BTBD9: variants seen among roughly 807,000 people sequenced by gnomAD.
BTBD9 encodes BTB/POZ domain-containing protein 9.
A neutral mutation model predicts 64.3 loss-of-function variants in BTBD9; 49 were observed. The observed-to-expected ratio is 0.76, with a 90% CI of 0.61 to 0.97. BTBD9 has a LOEUF of 0.97. BTBD9 is among the 50% of genes least tolerant of loss of function. The pLI, the probability that BTBD9 is intolerant of heterozygous loss-of-function variation, is 0.00. For synonymous variants in BTBD9, 260 were observed against 274.7 expected (o/e 0.95, Z 0.53); for missense variants, 598 against 762.1 (o/e 0.78, Z 2.53).
intron 6 of BTBD9, among the ~76,000 whole-genome samples, chr6:38,397,055 C>T (rs890418876): frequency 2.6e-5 from 4 of 151,848 alleles, no homozygotes; most frequent in African/African-American, 9.7e-5. Context: ...GTGTGCACCA[C>T]CCCACCTGGC....
In BTBD9 at chr6:38,553,319, T is replaced by C. The variant is rs560328570; in HGVS notation, c.1154+24281A>G. ...TGGGTCAATCTGAAAGTCAAATTAA[T>C]GCCAAGATTGTGGTGAGGGGAATAT... On this transcript the variant is annotated intron_variant, in intron 6 of 10. Coordinates refer to ENST00000481247, the MANE Select transcript of BTBD9 (RefSeq NM_001099272.2). Among the ~76,000 whole-genome samples, 3 of 152,272 alleles carry C rather than the reference T, an allele frequency of 2.0e-5. No homozygotes were observed. The South Asian group carries it at 6.2e-4, about 32-fold the overall frequency.
intron 6 of BTBD9, among the ~76,000 whole-genome samples, chr6:38,545,386 G>C (rs1774486828): frequency 6.6e-6 from 1 of 152,202 alleles, no homozygotes; most frequent in African/African-American, 2.4e-5. Context: ...AGGAGGCTTT[G>C]ACTTATGTTT....
Position 38,470,680 on chromosome 6 carries a change from C to T in BTBD9, c.1154+106920G>A, listed in dbSNP as rs117936435. Among the ~76,000 whole-genome samples the T allele has an allele frequency of 1.3e-3, 204 of 152,358 alleles. 2 individuals carry two copies. In the South Asian group the frequency reaches 0.018, roughly 14 times the overall value. On this transcript the variant is annotated intron_variant, in intron 6 of 10. Transcript: ENST00000481247. Reference sequence around the variant, plus strand: ...ACAAGAGAAGAACTGGCCTTCTCAACAAGAGAAGAGTGTGTACCTCTGCAG... The same window carrying T: ...ACAAGAGAAGAACTGGCCTTCTCAATAAGAGAAGAGTGTGTACCTCTGCAG...
chr6:38,568,947 C>T (rs1156967510), intron 6 of BTBD9, among the ~76,000 whole-genome samples: 1 of 152,138 alleles, frequency 6.6e-6, no homozygotes, highest in Non-Finnish European at 1.5e-5. Context: ...CAAGGTAACA[C>T]AGAAAGAGAA....
intron 6 of BTBD9, among the ~76,000 whole-genome samples, chr6:38,484,550 C>T (rs1276612891): frequency 1.3e-5 from 2 of 152,172 alleles, no homozygotes; most frequent in Non-Finnish European, 2.9e-5. Flanking sequence ...AGCCTGATCT[C>T]CTTTGACATT....
In BTBD9 at chr6:38,432,059, G is replaced by T. The variant is rs565546599; in HGVS notation, c.1155-86966C>A. Among the ~76,000 whole-genome samples, 87 of 152,020 alleles carry T rather than the reference G, an allele frequency of 5.7e-4. 1 individual carries two copies. Among genetic ancestry groups the T allele is most frequent in the African/African-American group, 2.0e-3 (84 of 41,296 alleles). ...CAGATGAATTCTGGTGGAAGTAAGT[G>T]AATTCTTCCTCTCACGGGACTGGAT... On this transcript the variant is annotated intron_variant, in intron 6 of 10. Coordinates refer to ENST00000481247, the MANE Select transcript of BTBD9 (RefSeq NM_001099272.2).
intron 6 of BTBD9, among the ~76,000 whole-genome samples, chr6:38,410,179 A>C (rs1349807238): frequency 6.6e-6 from 1 of 152,160 alleles, no homozygotes; most frequent in Non-Finnish European, 1.5e-5. Flanking sequence ...TTAGAAACAA[A>C]AATCTAGTTG....
chr6:38,323,175 T>C (rs1041049709), intron 7 of BTBD9, among the ~76,000 whole-genome samples: 4 of 152,326 alleles, frequency 2.6e-5, no homozygotes, highest in Admixed American at 1.3e-4. Context: ...GTATCTACTC[T>C]AAAATCTTTG....
intron 10 of BTBD9, among the ~76,000 whole-genome samples, chr6:38,191,781 G>A (rs115740904): frequency 0.014 from 2,154 of 152,318 alleles, 43 homozygotes; most frequent in African/African-American, 0.047. Flanking sequence ...GCGGGATTGC[G>A]TGTGGGCTGA....
At chr6:38,252,922 CA>C (rs1167762357) in intron 9 of BTBD9, among the ~76,000 whole-genome samples, 3 of 152,186 alleles carry the variant, frequency 2.0e-5, no homozygotes, top group African/African-American at 7.2e-5. Context: ...GCCTGGCCAA[CA>C]TGGTGAAACC....
chr6:38,205,102 C>T (rs1327644816), intron 9 of BTBD9, among the ~76,000 whole-genome samples: 1 of 152,000 alleles, frequency 6.6e-6, no homozygotes, highest in Non-Finnish European at 1.5e-5. Flanking sequence ...ATGAGGAATT[C>T]CACCATCTAA....
chr6:38,590,538 C>T (rs1776750079), intron 4 of BTBD9, among the ~76,000 whole-genome samples: 1 of 152,142 alleles, frequency 6.6e-6, no homozygotes, highest in Non-Finnish European at 1.5e-5. Context: ...TAAGATCAAT[C>T]AGTATTTCAA....
intron 9 of BTBD9, among the ~76,000 whole-genome samples, chr6:38,227,919 C>T (rs536838838): frequency 6.6e-5 from 10 of 152,082 alleles, no homozygotes; most frequent in East Asian, 3.9e-4. Context: ...TGAGAAACTA[C>T]GGAGGTAGTA....
intron 6 of BTBD9, among the ~76,000 whole-genome samples, chr6:38,483,000 T>TG (rs1002280513): frequency 3.9e-5 from 6 of 152,062 alleles, no homozygotes; most frequent in African/African-American, 1.4e-4. Flanking sequence ...CCCTCTCCCA[T>TG]AATGAGGTAC....
intron 6 of BTBD9, among the ~76,000 whole-genome samples, chr6:38,386,246 A>G (rs16890616): frequency 0.025 from 3,808 of 152,292 alleles, 115 homozygotes; most frequent in East Asian, 0.11. Flanking sequence ...TCTTCATGTC[A>G]GAATAAATTT....
At chr6:38,436,143 C>T (rs995674304) in intron 6 of BTBD9, among the ~76,000 whole-genome samples, 1 of 151,794 alleles carries the variant, frequency 6.6e-6, no homozygotes, top group Non-Finnish European at 1.5e-5. Context: ...ATAGAAAGTA[C>T]CATTTCAATA....
At chr6:38,463,592 TA>T (rs1422764180) in intron 6 of BTBD9, among the ~76,000 whole-genome samples, 1 of 152,262 alleles carries the variant, frequency 6.6e-6, no homozygotes, top group Non-Finnish European at 1.5e-5. Flanking sequence ...TGTTGGATTT[TA>T]CAAAATTCTG....
intron 6 of BTBD9, among the ~76,000 whole-genome samples, chr6:38,415,858 TA>T (rs36006444): frequency 1.3e-3 from 188 of 145,458 alleles, no homozygotes; most frequent in African/African-American, 1.2e-3. Flanking sequence ...CTGCAGTCCT[TA>T]AAAAAAAAAA....
At chr6:38,227,079 G>C (rs773151504) in intron 9 of BTBD9, among the ~76,000 whole-genome samples, 1 of 152,228 alleles carries the variant, frequency 6.6e-6, no homozygotes, top group Non-Finnish European at 1.5e-5. Flanking sequence ...ATGTCCTGGA[G>C]AGGCTTGCTC....
Sources: gnomAD v4.1 joint callset for allele counts (sites outside exome capture counted in the v4.1 genomes callset) on GRCh38, gnomAD v4.1.1 for gene constraint, MANE v1.5 for transcripts, NCBI Gene and HGNC (gene_info 2026-07-23, HGNC 2026-07-21) for gene names.